Variants in PALMD observed in about 807,000 individuals in gnomAD.
PALMD encodes the protein palmdelphin.
Under a neutral mutation model 56.2 loss-of-function variants are expected in PALMD, and 42 were observed. The observed-to-expected ratio is 0.75, with a 90% CI of 0.58 to 0.97. The LOEUF (loss-of-function observed/expected upper bound fraction) is 0.97, where lower values mean the gene tolerates loss of function less well. PALMD is among the 50% of genes least tolerant of loss of function. The pLI is 0.00. For synonymous variants in PALMD, 242 were observed against 222.9 expected (o/e 1.09, Z -0.76); for missense variants, 660 against 643.8 (o/e 1.03, Z -0.27).
chr1:99,681,824 T>TC (rs1179132752), intron 3 of PALMD, among the ~76,000 whole-genome samples: 2 of 152,112 alleles, frequency 1.3e-5, no homozygotes, highest in Non-Finnish European at 1.5e-5. Flanking sequence ...TTGCCAAATA[T>TC]CCCCAGGGAA....
intron 1 of PALMD, among the ~76,000 whole-genome samples, chr1:99,657,155 A>C (rs151171890): frequency 7.9e-5 from 12 of 152,208 alleles, no homozygotes; most frequent in African/African-American, 2.6e-4. Flanking sequence ...TATCCCTTTC[A>C]AAACTCACAC....
At chr1:99,693,447 T>C (rs1653707465) in intron 7 of PALMD, among the ~76,000 whole-genome samples, 1 of 152,240 alleles carries the variant, frequency 6.6e-6, no homozygotes, top group Non-Finnish European at 1.5e-5. Flanking sequence ...CAAAAAGATA[T>C]ATTTGCCATT....
Position 99,688,814 on chromosome 1 carries a change from A to T in PALMD, c.554A>T (p.Lys185Met), listed in dbSNP as rs750205287. 6.2e-6 allele frequency: 10 copies of T among 1,608,714 alleles called. No homozygotes were observed. The highest frequency in any genetic ancestry group is 8.5e-6 in the Non-Finnish European group (10 of 1,176,790). Residue 185 changes from lysine (K) to methionine (M), a missense_variant, in exon 7 of 8, where the codon AAG becomes ATG. Physicochemically the swap from Lys to Met is moderately conservative, Grantham distance 95 (BLOSUM62 -1). Transcript: ENST00000263174. ...AMEIKVEKDL[K>M]TGESTVLSSI... ...GAAATTAAAGTTGAAAAAGACTTGA[A>T]GACTGGAGAAAGTACAGTTCTGTCT...
chr1:99,677,011 G>A (rs1337143234), intron 3 of PALMD, among the ~76,000 whole-genome samples: 1 of 152,108 alleles, frequency 6.6e-6, no homozygotes, highest in Non-Finnish European at 1.5e-5. Context: ...TGAATTTCCA[G>A]AGAGATTATT....
intron 3 of PALMD, among the ~76,000 whole-genome samples, chr1:99,681,977 C>T (rs758906498): frequency 2.0e-4 from 31 of 152,136 alleles, no homozygotes; most frequent in Non-Finnish European, 3.8e-4. Flanking sequence ...GTTGTCAAAC[C>T]TCCTCTTCTC....
chr1:99,660,207 T>C (rs1376596049), intron 1 of PALMD, among the ~76,000 whole-genome samples: 1 of 152,194 alleles, frequency 6.6e-6, no homozygotes, highest in Non-Finnish European at 1.5e-5. Context: ...GCCACAGTAC[T>C]TCATGAGGGA....
At chr1:99,692,507 G>T (rs1468722265) in intron 7 of PALMD, among the ~76,000 whole-genome samples, 1 of 152,128 alleles carries the variant, frequency 6.6e-6, no homozygotes, top group Non-Finnish European at 1.5e-5. Flanking sequence ...AACATGCTCT[G>T]GCCCCATGCA....
chr1:99,669,761 A>G (rs1485752021), intron 3 of PALMD: 4 of 152,246 alleles, frequency 2.6e-5, no homozygotes, highest in Admixed American at 6.5e-5. Flanking sequence ...ACGAGCTCCC[A>G]GAAGTATTGA....
At chr1:99,662,457 C>A in intron 2 of PALMD, 58 bp downstream of exon 2, 1 of 1,005,764 alleles carries the variant, frequency 9.9e-7, no homozygotes, top group Non-Finnish European at 1.5e-6. Context: ...TCTATTGGTA[C>A]TCAAATTTCA....
At chr1:99,660,202 A>G (rs551168884) in intron 1 of PALMD, among the ~76,000 whole-genome samples, 9 of 152,236 alleles carry the variant, frequency 5.9e-5, no homozygotes, top group South Asian at 2.1e-4. Flanking sequence ...TCCTGGCCAC[A>G]GTACTTCATG....
chr1:99,656,674 A>G (rs1019826933), intron 1 of PALMD, among the ~76,000 whole-genome samples: 1 of 152,050 alleles, frequency 6.6e-6, no homozygotes, highest in Non-Finnish European at 1.5e-5. Flanking sequence ...CTTTACTTTT[A>G]TCCTTGCCTA....
chr1:99,679,391 C>A (rs1464955909), intron 3 of PALMD, among the ~76,000 whole-genome samples: 1 of 152,100 alleles, frequency 6.6e-6, no homozygotes, highest in African/African-American at 2.4e-5. Flanking sequence ...TTAGGAAACC[C>A]CAGATTCTTT....
At position 99,689,908 on chromosome 1, in the gene PALMD, G is replaced by A. The variant is rs768276537; in HGVS notation, c.1612+36G>A. On this transcript the variant is annotated intron_variant, in intron 7 of 7. Coordinates refer to ENST00000263174, the MANE Select transcript of PALMD (RefSeq NM_017734.5). Reference sequence around the variant, plus strand: ...TGACAAGGCATGCCACTGCTGTTCAGTCATGTGACCAGCTTCTCTTGTGCT... The same window carrying A: ...TGACAAGGCATGCCACTGCTGTTCAATCATGTGACCAGCTTCTCTTGTGCT... 42 of 1,544,112 alleles carry A rather than the reference G, an allele frequency of 2.7e-5. No homozygotes were observed. The Admixed American group carries it at 8.1e-4, about 30-fold the overall frequency.
Position 99,694,057 on chromosome 1 carries a change from A to T in PALMD, c.1651A>T (p.Ile551Phe). The part of the protein sequence containing the change: ...MRMAKLGKKV[I>F] ...AATGGCAAAGCTGGGAAAAAAGGTG[A>T]TCTAAGAGTTGTACCACCTATATAA... The change falls in exon 8 of 8, where the codon ATC (isoleucine) becomes TTC (phenylalanine). Residue 551 changes from isoleucine (I) to phenylalanine (F), a missense_variant. By Grantham distance (21) the Ile-to-Phe change is conservative. Coordinates refer to ENST00000263174, the MANE Select transcript of PALMD (RefSeq NM_017734.5). 1 of 1,595,878 alleles carries T rather than the reference A, an allele frequency of 6.3e-7. No individual in the cohort carries two copies. The highest frequency in any genetic ancestry group is 1.1e-5 in the South Asian group (1 of 89,908).
At chr1:99,684,896 G>A (rs1653452048) in intron 3 of PALMD, 1 of 152,296 alleles carries the variant, frequency 6.6e-6, no homozygotes, top group South Asian at 2.1e-4. Flanking sequence ...TTCAAACCCA[G>A]GTCCACCTGA....
rs372579925 is a variant in PALMD, at chr1:99,694,026, G to A, written c.1620G>A (p.Arg540=). The change falls in exon 8 of 8, where the codon AGG becomes AGA. Residue 540 remains arginine (R), a synonymous_variant. Coordinates refer to ENST00000263174, the MANE Select transcript of PALMD (RefSeq NM_017734.5). ...TTTTTCTTTAATTTGCAGCTTTAAG[G>A]ATGAGAATGGCAAAGCTGGGAAAAA... ...GTEDPSLTAL[R]MRMAKLGKKV... 6 of 1,601,734 alleles carry A rather than the reference G, an allele frequency of 3.7e-6. No individual in the cohort carries two copies. Among genetic ancestry groups the A allele is most frequent in the Non-Finnish European group, 4.3e-6 (5 of 1,171,462 alleles).
rs1016534580 is a variant in PALMD at position 99,689,514 on chromosome 1, G to A, written c.1254G>A (p.Met418Ile). 9.3e-6 allele frequency: 15 copies of A among 1,613,686 alleles called. No homozygotes were observed. Among genetic ancestry groups the A allele is most frequent in the Non-Finnish European group, 1.3e-5 (15 of 1,179,886 alleles). The change falls in exon 7 of 8, where the codon ATG becomes ATA. Residue 418 changes from methionine to isoleucine, a missense_variant. By Grantham distance (10) the Met-to-Ile change is conservative (BLOSUM62 1). Coordinates refer to ENST00000263174, the MANE Select transcript of PALMD (RefSeq NM_017734.5). ...NDTEPVTMIF[M>I]GYQQAEDSEE... ...CAGAACCGGTGACAATGATTTTCAT[G>A]GGGTATCAGCAGGCAGAAGACAGTG...
intron 2 of PALMD, among the ~76,000 whole-genome samples, chr1:99,664,462 T>A (rs375868938): frequency 6.6e-6 from 1 of 152,128 alleles, no homozygotes; most frequent in Admixed American, 6.6e-5. Flanking sequence ...CAAGTGAAAT[T>A]TGGCCTGCGT....
At position 99,674,687 on chromosome 1, in the gene PALMD, A is replaced by T. The variant is rs976149332; in HGVS notation, c.251+6921A>T. On this transcript the variant is annotated intron_variant, in intron 3 of 7. Transcript: ENST00000263174. ...CATTTACATTTATTATCTCACTTCA[A>T]ATGGTATTCAGTGCCTTGAAATACA... is the stretch of plus-strand genomic sequence containing the variant. Among the ~76,000 whole-genome samples the T allele has an allele frequency of 2.6e-5, 4 of 152,206 alleles. No individual in the cohort carries two copies. In the South Asian group the frequency reaches 8.3e-4, roughly 31 times the overall value.
Sources: allele counts gnomAD v4.1 joint callset (sites outside exome capture counted in the v4.1 genomes callset), GRCh38; gene constraint gnomAD v4.1.1; transcripts MANE v1.5; gene names NCBI Gene and HGNC (gene_info 2026-07-23, HGNC 2026-07-21).